Variants in ARL9 observed in about 807,000 individuals in gnomAD.
The protein encoded by ARL9 is ADP-ribosylation factor-like protein 9.
In ARL9, 14 loss-of-function variants were observed where a neutral mutation model predicts 27.0. The ratio of observed to expected loss-of-function variants is 0.52; its 90% CI spans 0.34 to 0.81. The LOEUF is 0.81. Ranked by LOEUF, ARL9 falls within the 30% of genes least tolerant of loss-of-function variation. ARL9 has a pLI of 0.01. For missense variants in ARL9, 294 were observed against 290.0 expected (o/e 1.01, Z -0.10); for synonymous variants, 106 against 108.7 (o/e 0.98, Z 0.15).
At chr4:56,522,033 T>C (rs1448089728) in intron 3 of ARL9, among the ~76,000 whole-genome samples, 1 of 151,082 alleles carries the variant, frequency 6.6e-6, no homozygotes, top group Non-Finnish European at 1.5e-5. Flanking sequence ...TCACCCAAGC[T>C]GGAGTACAGT....
chr4:56,509,404 T>C (rs1169921305), intron 1 of ARL9, among the ~76,000 whole-genome samples: 1 of 151,864 alleles, frequency 6.6e-6, no homozygotes, highest in Non-Finnish European at 1.5e-5. Flanking sequence ...TATGCCGTGA[T>C]AGCCAGGCTG....
At chr4:56,521,337 C>G (rs946013162) in intron 3 of ARL9, among the ~76,000 whole-genome samples, 5 of 152,058 alleles carry the variant, frequency 3.3e-5, no homozygotes, top group African/African-American at 1.2e-4. Flanking sequence ...GTATAGTATT[C>G]CATAGCATTA....
At chr4:56,513,157 A>G (rs899893274) in intron 2 of ARL9, among the ~76,000 whole-genome samples, 1 of 152,244 alleles carries the variant, frequency 6.6e-6, no homozygotes, top group East Asian at 1.9e-4. Flanking sequence ...TAAGCCATCA[A>G]TTTAGGTAAA....
intron 2 of ARL9, among the ~76,000 whole-genome samples, chr4:56,512,325 G>A (rs1362163198): frequency 1.4e-5 from 2 of 146,874 alleles, no homozygotes; most frequent in Admixed American, 6.8e-5. Context: ...AAAATCCAGA[G>A]TCTTTGTTAT....
At chr4:56,518,500 C>G (rs1721826006) in intron 2 of ARL9, among the ~76,000 whole-genome samples, 178 bp from the exon 3 acceptor site, 1 of 152,166 alleles carries the variant, frequency 6.6e-6, no homozygotes, top group African/African-American at 2.4e-5. Context: ...TCTCACCAAC[C>G]AGTTTACCGC....
At chr4:56,505,318 T>A, upstream of ARL9, 1 of 447,334 alleles carries the variant, frequency 2.2e-6, no homozygotes, top group Non-Finnish European at 4.5e-6. Flanking sequence ...ATACATGACA[T>A]GAGCAGTACA....
At chr4:56,517,570 CTTTT>C (rs35931695) in intron 2 of ARL9, among the ~76,000 whole-genome samples, 1 of 151,346 alleles carries the variant, frequency 6.6e-6, no homozygotes. Context: ...GTTATTCTGT[CTTTT>C]TTTTTCTCCA....
chr4:56,515,572 T>A (rs1376041037), intron 2 of ARL9, among the ~76,000 whole-genome samples: 1 of 152,134 alleles, frequency 6.6e-6, no homozygotes, highest in Non-Finnish European at 1.5e-5. Flanking sequence ...AAACAGTACT[T>A]ATTTACAAAT....
intron 1 of ARL9, among the ~76,000 whole-genome samples, chr4:56,510,467 A>G (rs550230688): frequency 1.1e-4 from 17 of 152,268 alleles, no homozygotes; most frequent in African/African-American, 3.8e-4. Context: ...ATGCTTATGC[A>G]CCGAGTGGCA....
intron 2 of ARL9, among the ~76,000 whole-genome samples, chr4:56,516,318 A>G (rs2110150396): frequency 6.6e-6 from 1 of 152,306 alleles, no homozygotes; most frequent in East Asian, 1.9e-4. Flanking sequence ...TAAACAGGAT[A>G]CAAAAAATAA....
At chr4:56,508,468 C>T (rs1398394292) in intron 1 of ARL9, among the ~76,000 whole-genome samples, 8 of 152,078 alleles carry the variant, frequency 5.3e-5, no homozygotes, top group Non-Finnish European at 1.2e-4. Context: ...TTGCAACCTC[C>T]ACCTCCCAGG....
intron 1 of ARL9, chr4:56,506,664 G>T: frequency 1.0e-6 from 1 of 985,426 alleles, no homozygotes; most frequent in Non-Finnish European, 1.2e-6. Flanking sequence ...TAACTGACAG[G>T]TCTTAGAAAC....
At chr4:56,516,584 C>CAAAAAAAAAAA (rs10718013) in intron 2 of ARL9, among the ~76,000 whole-genome samples, 11 of 120,854 alleles carry the variant, frequency 9.1e-5, no homozygotes, top group Non-Finnish European at 1.6e-4. Flanking sequence ...TCAAATTAGG[C>CAAAAAAAAAAA]AAAAAAAAAA....
chr4:56,511,532 A>G (rs1560696732), intron 2 of ARL9, among the ~76,000 whole-genome samples, 185 bp downstream of exon 2: 1 of 152,058 alleles, frequency 6.6e-6, no homozygotes, highest in East Asian at 1.9e-4. Context: ...TGCTTTTTTG[A>G]TACTCTCCTT....
At chr4:56,507,047 C>T (rs1212087448) in intron 1 of ARL9, among the ~76,000 whole-genome samples, 4 of 152,114 alleles carry the variant, frequency 2.6e-5, no homozygotes, top group African/African-American at 9.7e-5. Flanking sequence ...CCGCCCGCCT[C>T]AGCCTCCCAA....
chr4:56,509,832 C>T (rs1385558833), intron 1 of ARL9, among the ~76,000 whole-genome samples: 1 of 151,578 alleles, frequency 6.6e-6, no homozygotes, highest in African/African-American at 2.4e-5. Flanking sequence ...CTCAGCCTCC[C>T]GTGTAGCTGG....
chr4:56,511,108 T>C, intron 1 of ARL9, 77 bp from the exon 2 acceptor site: 2 of 1,336,842 alleles, frequency 1.5e-6, no homozygotes, highest in Non-Finnish European at 9.9e-7. Flanking sequence ...TCCAAGAATA[T>C]TATTGGATTC....
intron 1 of ARL9, among the ~76,000 whole-genome samples, chr4:56,509,489 G>A (rs924181062): frequency 2.6e-5 from 4 of 151,544 alleles, no homozygotes; most frequent in African/African-American, 9.7e-5. Context: ...TGAGAGCCAC[G>A]ATGCCTGGAC....
chr4:56,516,558 G>T (rs1721769698), intron 2 of ARL9, among the ~76,000 whole-genome samples: 1 of 120,300 alleles, frequency 8.3e-6, no homozygotes, highest in Non-Finnish European at 1.7e-5. Flanking sequence ...TACTCCACTT[G>T]ATCAGTAAGT....
Sources: allele counts gnomAD v4.1 joint callset (sites outside exome capture counted in the v4.1 genomes callset), GRCh38; gene constraint gnomAD v4.1.1; transcripts MANE v1.5; gene names NCBI Gene and HGNC (gene_info 2026-07-23, HGNC 2026-07-21).